CEACAM1: variants seen among roughly 807,000 people sequenced by gnomAD.
CEACAM1 encodes the protein cell adhesion molecule CEACAM1.
CEACAM1 carries 31 observed loss-of-function variants against 49.1 expected under a neutral mutation model. The ratio of observed to expected loss-of-function variants is 0.63; its 90% confidence interval spans 0.47 to 0.85. The LOEUF (loss-of-function observed/expected upper bound fraction) is 0.85, where lower values mean the gene tolerates loss of function less well. Among genes scored for constraint, CEACAM1 ranks in the 40% least tolerant of loss-of-function variants. The pLI, the probability that CEACAM1 is intolerant of heterozygous loss-of-function variation, is 0.00. For synonymous variants in CEACAM1, 244 were observed against 247.8 expected, an observed-to-expected ratio of 0.98 and a Z score of 0.14; for missense variants, 570 against 645.3, an observed-to-expected ratio of 0.88 and a Z score of 1.26.
Position 42,519,326 on chromosome 19 carries a change from C to T in CEACAM1, c.959-91G>A, listed in dbSNP as rs951728631. 18 of 1,348,094 alleles carry T rather than the reference C, an allele frequency of 1.3e-5. No individual in the cohort carries two copies. The African/African-American group carries it at 2.2e-4, about 16-fold the overall frequency. 83.5% of individuals were successfully genotyped at this position (1,348,094 alleles called of 1,614,324 possible). A position where few individuals can be genotyped will look rare whatever the true frequency, so the allele number is the denominator to read the frequency against. On this transcript the variant is annotated intron_variant, in intron 4 of 8. Transcript: ENST00000161559. Reference sequence around the variant, plus strand: ...TATGCTCCTTTCCCTGAGATTTTAGCCAGCTCTCAGGTCCCACAGTGAGCT... The same window carrying T: ...TATGCTCCTTTCCCTGAGATTTTAGTCAGCTCTCAGGTCCCACAGTGAGCT...
rs1356550642 is a variant in CEACAM1, at chr19:42,507,359, T to A, written c.*1750A>T. 1 of 152,192 alleles carries A rather than the reference T, an allele frequency of 6.6e-6. No homozygotes were observed. The highest frequency in any genetic ancestry group is 1.5e-5 in the Non-Finnish European group (1 of 68,038). The allele number at this position is 152,192 out of a possible 1,614,324, so 9.4% of individuals were successfully genotyped here. ...AAAAACATAGAATAATTTTCATACA[T>A]AATTCAGACATGATCTTAGCCAGGA... On this transcript the variant is annotated 3_prime_UTR_variant, in exon 9 of 9. Transcript: ENST00000161559.
intron 8 of CEACAM1, 150 bp from the exon 9 acceptor site, chr19:42,509,378 C>T: frequency 1.2e-6 from 1 of 811,510 alleles, no homozygotes. Context: ...TGCTTGCTGA[C>T]CTCCTGATGA....
At position 42,508,046 on chromosome 19, in the gene CEACAM1, G is replaced by A. The variant is rs2041373607; in HGVS notation, c.*1063C>T. 6.6e-6 allele frequency: 1 copy of A among 152,108 alleles called. No homozygotes were observed. The highest frequency in any genetic ancestry group is 2.4e-5 in the African/African-American group (1 of 41,432). 9.4% of individuals were successfully genotyped at this position (152,108 alleles called of 1,614,324 possible). A position where few individuals can be genotyped will look rare whatever the true frequency, so the allele number is the denominator to read the frequency against. On this transcript the variant is annotated 3_prime_UTR_variant, in exon 9 of 9. Coordinates refer to ENST00000161559, the MANE Select transcript of CEACAM1 (RefSeq NM_001712.5). Reference sequence around the variant, plus strand: ...GAGCCTCTGACAAAAAAAATCTTGAGAGGCTCCTGACCAAGGGACCTGAGG... The same window carrying A: ...GAGCCTCTGACAAAAAAAATCTTGAAAGGCTCCTGACCAAGGGACCTGAGG...
chr19:42,528,391 C>T lies in CEACAM1; in HGVS notation c.-17G>A. The T allele has an allele frequency of 6.2e-7, 1 of 1,613,306 alleles. No homozygotes were observed. The highest frequency in any genetic ancestry group is 8.5e-7 in the Non-Finnish European group (1 of 1,179,468). On this transcript the variant is annotated 5_prime_UTR_variant, in exon 1 of 9. Transcript: ENST00000161559. ...GTGCCCCATGGTGTCTCCTGCTGGC[C>T]CTGTCTTCACCTGTGGAGGAGAGCT...
Position 42,509,215 on chromosome 19 carries a change from G to A in CEACAM1, c.1475C>T (p.Thr492Ile), listed in dbSNP as rs201298171. The A allele has an allele frequency of 4.3e-6, 7 of 1,611,036 alleles. No homozygotes were observed. In the East Asian group the frequency reaches 1.3e-4, roughly 31 times the overall value. ...NDPPNKMNEV[T>I]YSTLNFEAQQ... ...GGCTTCAAAGTTCAGGGTAGAATAA[G>A]TAACTTCATTCATCTGAAAAGCACA... Residue 492 changes from threonine to isoleucine, a missense_variant, in exon 9 of 9, where the codon ACT becomes ATT. Coordinates refer to ENST00000161559, the MANE Select transcript of CEACAM1 (RefSeq NM_001712.5).
intron 5 of CEACAM1, among the ~76,000 whole-genome samples, chr19:42,517,844 C>T (rs1472417827): frequency 1.3e-5 from 2 of 152,178 alleles, no homozygotes; most frequent in African/African-American, 2.4e-5. Flanking sequence ...TTTAAAAGAA[C>T]TGAAAGCAGG....
At position 42,527,059 on chromosome 19, in the gene CEACAM1, C is replaced by A; in HGVS notation, c.406G>T (p.Gly136Ter). The A allele has an allele frequency of 1.2e-6, 2 of 1,606,546 alleles. No homozygotes were observed. Among genetic ancestry groups the A allele is most frequent in the Non-Finnish European group, 1.7e-6 (2 of 1,175,866 alleles). ...TACTCACGGTATACATGGAACTGTCCAGTTGCTTCTTCATTCACAAGATCT... is the reference window on the plus strand; with the variant it reads ...TACTCACGGTATACATGGAACTGTCAAGTTGCTTCTTCATTCACAAGATCT... ...KSDLVNEEAT[G>*]QFHVYPELPK... The change falls in exon 2 of 9, where the codon GGA (glycine) becomes TGA (stop). Residue 136 changes from glycine (G) to a stop codon, truncating the protein, a stop_gained. Transcript: ENST00000161559. LOFTEE classifies it high-confidence loss of function.
intron 7 of CEACAM1, 177 bp downstream of exon 7, chr19:42,511,399 G>A (rs2041452660): frequency 1.6e-6 from 1 of 629,782 alleles, no homozygotes; most frequent in African/African-American, 1.8e-5. Context: ...GTGTCTCAGG[G>A]GACTCCTGTG....
At chr19:42,513,958 C>CTTTTTTTTTT (rs869304469) in intron 5 of CEACAM1, among the ~76,000 whole-genome samples, 10 of 86,884 alleles carry the variant, frequency 1.2e-4, no homozygotes, top group East Asian at 2.9e-4. Context: ...TCTTCTTCTT[C>CTTTTTTTTTT]TTTTTTTTTT....
chr19:42,527,836 G>A (rs903621074), intron 1 of CEACAM1: 6 of 196,756 alleles, frequency 3.0e-5, no homozygotes, highest in Admixed American at 1.6e-4. Flanking sequence ...ACCCATGAGA[G>A]CGTGAGCTCC....
chr19:42,515,701 A>G (rs1311849420), intron 5 of CEACAM1, among the ~76,000 whole-genome samples: 1 of 152,214 alleles, frequency 6.6e-6, no homozygotes, highest in Admixed American at 6.5e-5. Flanking sequence ...GATCACTATA[A>G]TTGACAACTG....
At chr19:42,527,441 T>A (rs371360530) in intron 1 of CEACAM1, 41 bp from the exon 2 acceptor site, 244 of 1,538,108 alleles carry the variant, frequency 1.6e-4, no homozygotes, top group Non-Finnish European at 2.1e-4. Flanking sequence ...TTGGGACCTA[T>A]GCATTAGGGT....
In CEACAM1 at chr19:42,507,686, A is replaced by G. The variant is rs1312862010; in HGVS notation, c.*1423T>C. Reference sequence around the variant, plus strand: ...CCCCATAGAAGAAAAGATAAATTTCAGAGGCTGTTAAAAGAGGCTAGGCCT... The same window carrying G: ...CCCCATAGAAGAAAAGATAAATTTCGGAGGCTGTTAAAAGAGGCTAGGCCT... On this transcript the variant is annotated 3_prime_UTR_variant, in exon 9 of 9. Transcript: ENST00000161559. The G allele has an allele frequency of 6.6e-6, 1 of 152,270 alleles. No individual in the cohort carries two copies. The highest frequency in any genetic ancestry group is 2.4e-5 in the African/African-American group (1 of 41,472). The allele number at this position is 152,270 out of a possible 1,614,324, so 9.4% of individuals were successfully genotyped here.
At position 42,527,093 on chromosome 19, in the gene CEACAM1, G is replaced by C; in HGVS notation, c.372C>G (p.Val124=). 1 of 1,613,260 alleles carries C rather than the reference G, an allele frequency of 6.2e-7. No individual in the cohort carries two copies. The highest frequency in any genetic ancestry group is 8.5e-7 in the Non-Finnish European group (1 of 1,179,560). Residue 124 remains valine (V), a synonymous_variant, in exon 2 of 9, where the codon GTC becomes GTG. Transcript: ENST00000161559. ...CTTCATTCACAAGATCTGACTTTAT[G>C]ACTTGTAGGGTGTAGAATCCTGTGT... is the stretch of plus-strand genomic sequence containing the variant. ...QNDTGFYTLQ[V]IKSDLVNEEA... is the part of the protein sequence containing the mutation.
rs2041921655 is a variant in CEACAM1 at position 42,527,502 on chromosome 19, G to GGAGT, written c.65-106_65-103dup. 6.8e-6 allele frequency: 7 copies of GGAGT among 1,033,134 alleles called. No homozygotes were observed. In the South Asian group the frequency reaches 9.3e-5, roughly 14 times the overall value. 64.0% of individuals were successfully genotyped at this position (1,033,134 alleles called of 1,614,324 possible). On this transcript the variant is annotated intron_variant, in intron 1 of 8. Coordinates refer to ENST00000161559, the MANE Select transcript of CEACAM1 (RefSeq NM_001712.5). ...GCAGGTGTCTTCACCCCTCCACCTT[G>GGAGT]GAGTGTGTGTGTGTGTGTGTGTGTG...
At chr19:42,516,074 A>C (rs2041593144) in intron 5 of CEACAM1, among the ~76,000 whole-genome samples, 1 of 152,236 alleles carries the variant, frequency 6.6e-6, no homozygotes, top group African/African-American at 2.4e-5. Flanking sequence ...CTACCATCAT[A>C]GTCAATGGTG....
At chr19:42,514,715 A>G (rs1031957793) in intron 5 of CEACAM1, among the ~76,000 whole-genome samples, 4 of 152,204 alleles carry the variant, frequency 2.6e-5, no homozygotes, top group Non-Finnish European at 4.4e-5. Context: ...AATGCTTTAC[A>G]TGTATCTTAT....
chr19:42,512,239 AG>A (rs2041475938), intron 6 of CEACAM1, 110 bp downstream of exon 6: 1 of 1,249,344 alleles, frequency 8.0e-7, no homozygotes, highest in Non-Finnish European at 1.1e-6. Context: ...GCAGGAGTTT[AG>A]TGGGAGGAGT....
chr19:42,512,271 C>A, intron 6 of CEACAM1, 79 bp downstream of exon 6: 24 of 1,536,562 alleles, frequency 1.6e-5, no homozygotes, highest in Non-Finnish European at 2.1e-5. Flanking sequence ...GGCCCAGAGA[C>A]AGGCAAAGAA....
Sources: gnomAD v4.1 joint callset for allele counts (sites outside exome capture counted in the v4.1 genomes callset) on GRCh38, gnomAD v4.1.1 for gene constraint, MANE v1.5 for transcripts, NCBI Gene and HGNC (gene_info 2026-07-23, HGNC 2026-07-21) for gene names.